VDAC1: variants seen among roughly 807,000 people sequenced by gnomAD.
The protein encoded by VDAC1 is non-selective voltage-gated ion channel VDAC1.
In VDAC1, 10 loss-of-function variants were observed where a neutral mutation model predicts 34.7. The observed-to-expected ratio is 0.29, with a 90% CI of 0.18 to 0.49. VDAC1 has a LOEUF of 0.49. Among genes scored for constraint, VDAC1 ranks in the 20% least tolerant of loss-of-function variants. The pLI, the probability that VDAC1 is intolerant of heterozygous loss-of-function variation, is 0.99. For missense variants in VDAC1, 230 were observed against 347.9 expected (o/e 0.66, Z 2.69); for synonymous variants, 130 against 136.0 (o/e 0.96, Z 0.30).
the VDAC1 span, among the ~76,000 whole-genome samples, chr5:134,036,660 A>T: frequency 0.036 from 5,492 of 150,504 alleles, 170 homozygotes; most frequent in South Asian, 0.087. Flanking sequence ...TGTCTTTTTT[A>T]AAAAAAAAAA....
the VDAC1 span, among the ~76,000 whole-genome samples, chr5:134,021,450 T>C: frequency 6.6e-6 from 1 of 151,478 alleles, no homozygotes; most frequent in South Asian, 2.1e-4. Context: ...TGGTTTTCTG[T>C]CCTCGTGATA....
the VDAC1 span, among the ~76,000 whole-genome samples, chr5:134,073,061 G>C: frequency 0.12 from 17,952 of 152,164 alleles, 1,491 homozygotes; most frequent in African/African-American, 0.24. Flanking sequence ...CAAGAGTCAA[G>C]AGGTCCTAGG....
chr5:134,090,956 C>T, the VDAC1 span, among the ~76,000 whole-genome samples: 1 of 152,216 alleles, frequency 6.6e-6, no homozygotes, highest in Non-Finnish European at 1.5e-5. Flanking sequence ...TCAGAGACTT[C>T]ATACAGCTGG....
chr5:134,091,946 T>C, the VDAC1 span, among the ~76,000 whole-genome samples: 2 of 152,252 alleles, frequency 1.3e-5, no homozygotes, highest in African/African-American at 4.8e-5. Flanking sequence ...AGTCAGATCC[T>C]GGCCTTCCTG....
At chr5:134,067,318 G>A in the VDAC1 span, among the ~76,000 whole-genome samples, 1 of 149,790 alleles carries the variant, frequency 6.7e-6, no homozygotes, top group East Asian at 2.0e-4. Flanking sequence ...CAGGTGACAT[G>A]CCCACCTCGG....
At chr5:133,985,380 G>T (rs1003295823) in intron 5 of VDAC1, among the ~76,000 whole-genome samples, 3 of 152,172 alleles carry the variant, frequency 2.0e-5, no homozygotes, top group African/African-American at 7.2e-5. Context: ...ATCCAAAACT[G>T]GTCAGGCGTA....
the VDAC1 span, among the ~76,000 whole-genome samples, chr5:134,025,379 C>G: frequency 6.6e-6 from 1 of 152,140 alleles, no homozygotes; most frequent in Non-Finnish European, 1.5e-5. Flanking sequence ...CCCCATGAGT[C>G]AAACACCTCC....
At chr5:134,072,955 C>T in the VDAC1 span, among the ~76,000 whole-genome samples, 71,617 of 152,066 alleles carry the variant, frequency 0.47, 17,247 homozygotes, top group Middle Eastern at 0.52. Flanking sequence ...CCTCAGAACC[C>T]TTCATTTAGC....
chr5:134,091,546 A>G, the VDAC1 span, among the ~76,000 whole-genome samples: 1 of 152,010 alleles, frequency 6.6e-6, no homozygotes, highest in Admixed American at 6.5e-5. Context: ...CTGGGCCACA[A>G]TGAGCAAGAA....
intron 6 of VDAC1, among the ~76,000 whole-genome samples, chr5:133,976,607 G>T (rs1256994690): frequency 6.6e-6 from 1 of 151,172 alleles, no homozygotes; most frequent in Non-Finnish European, 1.5e-5. Flanking sequence ...TTGAGCCCAG[G>T]ATATAGCTTG....
At chr5:134,031,666 A>T in the VDAC1 span, among the ~76,000 whole-genome samples, 1 of 152,050 alleles carries the variant, frequency 6.6e-6, no homozygotes, top group Non-Finnish European at 1.5e-5. Flanking sequence ...AATACAAAAA[A>T]TTAGGCCAGG....
At chr5:134,007,781 C>T (rs948232164), upstream of VDAC1, among the ~76,000 whole-genome samples, 1 of 152,170 alleles carries the variant, frequency 6.6e-6, no homozygotes. Flanking sequence ...ATGGAGCAGC[C>T]GCTGCAGAGG....
At chr5:134,082,314 A>T in the VDAC1 span, among the ~76,000 whole-genome samples, 1 of 152,246 alleles carries the variant, frequency 6.6e-6, no homozygotes, top group Non-Finnish European at 1.5e-5. Context: ...TAATTAAATT[A>T]TACACTATGA....
chr5:133,995,973 A>G (rs1389243585), intron 1 of VDAC1, among the ~76,000 whole-genome samples: 1 of 152,032 alleles, frequency 6.6e-6, no homozygotes, highest in Non-Finnish European at 1.5e-5. Flanking sequence ...CGGAGCCTGT[A>G]CAGTTAGCTA....
chr5:134,057,282 C>T, the VDAC1 span, among the ~76,000 whole-genome samples: 1 of 152,040 alleles, frequency 6.6e-6, no homozygotes. Context: ...GAGTTGGAGA[C>T]CAGCCTGGCC....
At chr5:134,055,769 A>C in the VDAC1 span, among the ~76,000 whole-genome samples, 1 of 150,228 alleles carries the variant, frequency 6.7e-6, no homozygotes, top group South Asian at 2.1e-4. Context: ...TTAAAAGTAA[A>C]TACATGCCTG....
At chr5:134,111,541 A>G in the VDAC1 span, among the ~76,000 whole-genome samples, 1 of 152,154 alleles carries the variant, frequency 6.6e-6, no homozygotes, top group African/African-American at 2.4e-5. Flanking sequence ...CTCAGCAGAG[A>G]GATGGTACAC....
At chr5:134,038,988 A>C in the VDAC1 span, among the ~76,000 whole-genome samples, 3 of 152,094 alleles carry the variant, frequency 2.0e-5, no homozygotes, top group African/African-American at 4.8e-5. Context: ...GCCCAGTAAT[A>C]GACACTTTAT....
At chr5:134,060,136 C>T in the VDAC1 span, among the ~76,000 whole-genome samples, 4 of 151,882 alleles carry the variant, frequency 2.6e-5, no homozygotes, top group Non-Finnish European at 5.9e-5. Flanking sequence ...ACATGTTGGG[C>T]ACAGTAAAGC....
Sources: allele counts gnomAD v4.1 joint callset (sites outside exome capture counted in the v4.1 genomes callset), GRCh38; gene constraint gnomAD v4.1.1; transcripts MANE v1.5; gene names NCBI Gene and HGNC (gene_info 2026-07-23, HGNC 2026-07-21).